The following LRRTM4 variants were observed in gnomAD, a reference collection of about 807,000 sequenced individuals.
The protein encoded by LRRTM4 is leucine-rich repeat transmembrane neuronal protein 4.
A neutral mutation model predicts 47.6 loss-of-function variants in LRRTM4; 25 were observed. The ratio of observed to expected loss-of-function variants is 0.53; its 90% CI spans 0.38 to 0.73. The LOEUF (loss-of-function observed/expected upper bound fraction) is 0.73, where lower values mean the gene tolerates loss of function less well. Ranked by LOEUF, LRRTM4 falls within the 30% of genes least tolerant of loss-of-function variation. The probability of loss-of-function intolerance (pLI) is 0.00; values close to 1 mark genes in which losing one functional copy is unlikely to be tolerated. For missense variants in LRRTM4, 638 were observed against 713.4 expected, an observed-to-expected ratio of 0.89 and a Z score of 1.20; for synonymous variants, 311 against 269.5, an observed-to-expected ratio of 1.15 and a Z score of -1.51.
In LRRTM4 at chr2:77,164,166, CT is replaced by C. The variant is rs576392852; in HGVS notation, c.1551+354151del. On this transcript the variant is annotated intron_variant, in intron 3 of 3. Transcript: ENST00000409884. ...CAAAAGCAGGGGTTGCAATCCTAGT[CT>C]CTGATAAAACAGACTTTAAACCAAC... is the stretch of plus-strand genomic sequence containing the variant. Among the ~76,000 whole-genome samples the C allele has an allele frequency of 1.1e-4, 16 of 152,246 alleles. No individual in the cohort carries two copies. The South Asian group carries it at 3.3e-3, about 32-fold the overall frequency.
intron 3 of LRRTM4, among the ~76,000 whole-genome samples, chr2:76,821,439 A>G (rs1193835989): frequency 1.3e-5 from 2 of 151,694 alleles, no homozygotes; most frequent in Non-Finnish European, 3.0e-5. Context: ...CCTGAGTTCT[A>G]ATAAAATTAC....
At chr2:76,852,704 G>A (rs1370817855) in intron 3 of LRRTM4, among the ~76,000 whole-genome samples, 1 of 152,064 alleles carries the variant, frequency 6.6e-6, no homozygotes, top group Non-Finnish European at 1.5e-5. Flanking sequence ...AATATGATAA[G>A]GCACTCTTAA....
At chr2:76,858,268 C>T (rs1390936696) in intron 3 of LRRTM4, among the ~76,000 whole-genome samples, 1 of 152,210 alleles carries the variant, frequency 6.6e-6, no homozygotes, top group East Asian at 1.9e-4. Context: ...AGGTGAACGC[C>T]TGAAAAAACA....
intron 3 of LRRTM4, among the ~76,000 whole-genome samples, chr2:76,839,021 C>T (rs374811273): frequency 2.7e-4 from 41 of 152,114 alleles, no homozygotes; most frequent in African/African-American, 9.4e-4. Flanking sequence ...AATGTGGGTA[C>T]CATTATAGGA....
At chr2:77,496,684 A>G (rs1678377004) in intron 3 of LRRTM4, among the ~76,000 whole-genome samples, 1 of 151,710 alleles carries the variant, frequency 6.6e-6, no homozygotes, top group Non-Finnish European at 1.5e-5. Flanking sequence ...TTGGGGTATG[A>G]CTGATAAAAT....
intron 3 of LRRTM4, among the ~76,000 whole-genome samples, chr2:77,031,414 A>G (rs62170897): frequency 0.12 from 18,536 of 152,160 alleles, 1,413 homozygotes; most frequent in Admixed American, 0.19. Context: ...GTGGAATTTA[A>G]CTTTCTTTTC....
intron 3 of LRRTM4, among the ~76,000 whole-genome samples, chr2:77,285,797 A>G (rs1036099161): frequency 6.6e-6 from 1 of 151,924 alleles, no homozygotes; most frequent in Admixed American, 6.6e-5. Flanking sequence ...TAAGCAACAT[A>G]TATTTTTAGG....
chr2:77,094,301 G>A (rs1322865500), intron 3 of LRRTM4, among the ~76,000 whole-genome samples: 1 of 152,008 alleles, frequency 6.6e-6, no homozygotes, highest in Admixed American at 6.6e-5. Context: ...TAAATGGAAT[G>A]CTATCCCACA....
chr2:76,939,653 CTAAA>C (rs902269841), intron 3 of LRRTM4, among the ~76,000 whole-genome samples: 24 of 151,816 alleles, frequency 1.6e-4, no homozygotes, highest in Non-Finnish European at 2.4e-4. Context: ...AATGACTATG[CTAAA>C]TAAATAATTT....
chr2:77,088,483 T>C (rs766245323), intron 3 of LRRTM4, among the ~76,000 whole-genome samples: 2 of 152,144 alleles, frequency 1.3e-5, no homozygotes, highest in Non-Finnish European at 2.9e-5. Flanking sequence ...CCCCCACTCC[T>C]GCCTGCCAGA....
intron 3 of LRRTM4, among the ~76,000 whole-genome samples, chr2:77,501,574 T>C (rs1678571516): frequency 6.6e-6 from 1 of 150,944 alleles, no homozygotes; most frequent in African/African-American, 2.4e-5. Flanking sequence ...ACTATTTTCT[T>C]GAGAGAATCT....
chr2:77,149,958 C>A (rs770201157), intron 3 of LRRTM4, among the ~76,000 whole-genome samples: 1 of 152,138 alleles, frequency 6.6e-6, no homozygotes, highest in Non-Finnish European at 1.5e-5. Flanking sequence ...GTGTGGTCCT[C>A]TTGGGATGTT....
At chr2:77,144,076 G>A (rs770887763) in intron 3 of LRRTM4, among the ~76,000 whole-genome samples, 3 of 152,128 alleles carry the variant, frequency 2.0e-5, no homozygotes, top group Non-Finnish European at 4.4e-5. Flanking sequence ...AGGAGAAGTT[G>A]AGCTGTGATG....
chr2:77,039,638 A>T (rs1486095017), intron 3 of LRRTM4, among the ~76,000 whole-genome samples: 1 of 151,294 alleles, frequency 6.6e-6, no homozygotes, highest in Non-Finnish European at 1.5e-5. Flanking sequence ...TATAATTTTT[A>T]TACCATATCA....
At chr2:76,766,674 T>A (rs1673469020) in intron 3 of LRRTM4, among the ~76,000 whole-genome samples, 1 of 152,210 alleles carries the variant, frequency 6.6e-6, no homozygotes, top group South Asian at 2.1e-4. Context: ...CATTCCTGCC[T>A]TGCTACAGTT....
chr2:77,304,889 A>T (rs1165017531), intron 3 of LRRTM4, among the ~76,000 whole-genome samples: 1 of 152,000 alleles, frequency 6.6e-6, no homozygotes, highest in African/African-American at 2.4e-5. Flanking sequence ...TGAGTCCAAA[A>T]CTTCTTAAAA....
At chr2:76,816,819 GTTTTTTT>G (rs201525166) in intron 3 of LRRTM4, among the ~76,000 whole-genome samples, 6 of 96,516 alleles carry the variant, frequency 6.2e-5, no homozygotes, top group African/African-American at 1.6e-4. Flanking sequence ...GAGGTAAAGA[GTTTTTTT>G]TTTTTTTTTT....
At chr2:77,422,054 C>T (rs1674918269) in intron 3 of LRRTM4, among the ~76,000 whole-genome samples, 1 of 152,070 alleles carries the variant, frequency 6.6e-6, no homozygotes, top group South Asian at 2.1e-4. Context: ...CCTATTATAC[C>T]GTAGAGCTTA....
intron 3 of LRRTM4, among the ~76,000 whole-genome samples, chr2:76,903,935 G>C (rs1434701758): frequency 2.0e-5 from 3 of 152,172 alleles, no homozygotes; most frequent in Non-Finnish European, 4.4e-5. Context: ...AGAAATTAAA[G>C]AAAACACTTC....
Sources: allele counts gnomAD v4.1 joint callset (sites outside exome capture counted in the v4.1 genomes callset), GRCh38; gene constraint gnomAD v4.1.1; transcripts MANE v1.5; gene names NCBI Gene and HGNC (gene_info 2026-07-23, HGNC 2026-07-21).